GPN2: variants seen among roughly 807,000 people sequenced by gnomAD.
The protein encoded by GPN2 is GPN-loop GTPase 2, also known as ATP-binding domain 1 family member B.
In GPN2, 27 loss-of-function variants were observed where a neutral mutation model predicts 30.1. The observed-to-expected ratio is 0.90, with a 90% CI of 0.66 to 1.24. GPN2 has a LOEUF of 1.24. GPN2 is among the 50% of genes most tolerant of loss of function. The probability of loss-of-function intolerance (pLI) is 0.00; values close to 1 mark genes in which losing one functional copy is unlikely to be tolerated. For synonymous variants in GPN2, 212 were observed against 174.4 expected (o/e 1.22, Z -1.70); for missense variants, 406 against 405.4 (o/e 1.00, Z -0.01).
intron 2 of GPN2, among the ~76,000 whole-genome samples, chr1:26,887,745 T>C (rs1430252901): frequency 6.6e-6 from 1 of 151,840 alleles, no homozygotes; most frequent in Non-Finnish European, 1.5e-5. Flanking sequence ...GTATTTTTAG[T>C]AGAGACGGAG....
chr1:26,888,050 T>C (rs2081900395), intron 2 of GPN2, among the ~76,000 whole-genome samples: 1 of 151,126 alleles, frequency 6.6e-6, no homozygotes, highest in Non-Finnish European at 1.5e-5. Flanking sequence ...AGTAGAGATG[T>C]GGTTTCTCCA....
chr1:26,887,083 T>C (rs1333824896), intron 2 of GPN2, among the ~76,000 whole-genome samples: 3 of 151,014 alleles, frequency 2.0e-5, no homozygotes, highest in South Asian at 4.2e-4. Context: ...ACAGAGCTCA[T>C]AGTCAGGTCA....
At chr1:26,887,728 A>AT (rs1209887042) in intron 2 of GPN2, among the ~76,000 whole-genome samples, 1 of 144,310 alleles carries the variant, frequency 6.9e-6, no homozygotes, top group African/African-American at 2.6e-5. Flanking sequence ...TGCCCAGCTA[A>AT]TTTTTTGTAT....
intron 4 of GPN2, among the ~76,000 whole-genome samples, chr1:26,883,504 C>A (rs1026314045): frequency 1.3e-5 from 2 of 151,466 alleles, no homozygotes; most frequent in Admixed American, 1.3e-4. Context: ...CAGTCATCCA[C>A]GGCCGGGCGC....
In GPN2 at chr1:26,877,539, T is replaced by C. The variant is rs575295282; in HGVS notation, c.*2138A>G. The C allele has an allele frequency of 3.9e-5, 6 of 152,344 alleles. No homozygotes were observed. The East Asian group carries it at 9.6e-4, about 24-fold the overall frequency. The allele number at this position is 152,344 out of a possible 1,614,324, so 9.4% of individuals were successfully genotyped here. A position where few individuals can be genotyped will look rare whatever the true frequency, so the allele number is the denominator to read the frequency against. ...GGCTGTGACTTCTCACCAATAAATA[T>C]ACCAAAGGAGGGATACTCGCAATTT... On this transcript the variant is annotated 3_prime_UTR_variant, in exon 5 of 5. Transcript: ENST00000374135.
rs765343852 is a variant in GPN2 at position 26,889,738 on chromosome 1, T to C, written c.359A>G (p.His120Arg). Reference protein sequence around the residue: ...DCPGQVELCTHHGALRSIFSQ... With the variant: ...DCPGQVELCTRHGALRSIFSQ... ...GAAGATGCTGCGCAAGGCGCCGTGATGCGTGCAGAGCTCCACCTGGCCTGG... is the reference window on the plus strand; with the variant it reads ...GAAGATGCTGCGCAAGGCGCCGTGACGCGTGCAGAGCTCCACCTGGCCTGG... The change falls in exon 1 of 5, where the codon CAT (histidine) becomes CGT (arginine). Residue 120 changes from histidine to arginine, a missense_variant. By Grantham distance (29) the His-to-Arg change is conservative (BLOSUM62 0). Transcript: ENST00000374135. The C allele has an allele frequency of 2.0e-5, 32 of 1,609,866 alleles. No homozygotes were observed. The highest frequency in any genetic ancestry group is 2.6e-5 in the Non-Finnish European group (31 of 1,177,674).
chr1:26,885,567 CAA>C (rs908731757), intron 3 of GPN2, among the ~76,000 whole-genome samples: 1 of 149,542 alleles, frequency 6.7e-6, no homozygotes, highest in Non-Finnish European at 1.5e-5. Context: ...CAACCCAGGG[CAA>C]AGACCACTCT....
intron 2 of GPN2, chr1:26,886,394 T>C (rs764096869): frequency 2.3e-5 from 12 of 530,090 alleles, no homozygotes; most frequent in Non-Finnish European, 2.5e-5. Context: ...AGAGAAGTGC[T>C]TGATCAATAA....
chr1:26,877,168 T>G lies in GPN2; in HGVS notation c.*2509A>C, dbSNP rs1462845550. The G allele has an allele frequency of 6.6e-6, 1 of 152,248 alleles. No individual in the cohort carries two copies. The highest frequency in any genetic ancestry group is 1.5e-5 in the Non-Finnish European group (1 of 68,082). The allele number at this position is 152,248 out of a possible 1,614,324, so 9.4% of individuals were successfully genotyped here. A position where few individuals can be genotyped will look rare whatever the true frequency, so the allele number is the denominator to read the frequency against. ...CTATTGGTACTTCCTACCTACTCTG[T>G]GGGGTGTTAATAGGGGTGAGGTGCT... On this transcript the variant is annotated 3_prime_UTR_variant, in exon 5 of 5. Coordinates refer to ENST00000374135, the MANE Select transcript of GPN2 (RefSeq NM_018066.4).
Position 26,890,013 on chromosome 1 carries a change from G to T in GPN2, c.84C>A (p.Gly28=). 1 of 1,599,438 alleles carries T rather than the reference G, an allele frequency of 6.3e-7. No homozygotes were observed. The highest frequency in any genetic ancestry group is 8.5e-7 in the Non-Finnish European group (1 of 1,179,098). The change falls in exon 1 of 5, where the codon GGC becomes GGA. Residue 28 remains glycine (G), a synonymous_variant. Transcript: ENST00000374135. ...CCAGCGCGCGCAGGAACTCACTCAT[G>T]CCCAGGCAGTACGTGGTCTTCCCTG... ...PGSGKTTYCL[G]MSEFLRALGR... is the part of the protein sequence containing the mutation.
chr1:26,879,825 T>C, intron 4 of GPN2, 76 bp from the exon 5 acceptor site: 1 of 906,942 alleles, frequency 1.1e-6, no homozygotes. Context: ...TGACTTCCGC[T>C]GATGCCTACA....
chr1:26,888,629 T>C (rs1388546806), intron 2 of GPN2, among the ~76,000 whole-genome samples: 1 of 152,210 alleles, frequency 6.6e-6, no homozygotes, highest in Non-Finnish European at 1.5e-5. Flanking sequence ...AGAGATGAAC[T>C]GACTTACCCA....
At position 26,889,026 on chromosome 1, in the gene GPN2, G is replaced by T. The variant is rs1170657796; in HGVS notation, c.511C>A (p.Leu171Met). 1 of 1,614,068 alleles carries T rather than the reference G, an allele frequency of 6.2e-7. No homozygotes were observed. The change falls in exon 2 of 5, where the codon CTG becomes ATG. Residue 171 changes from leucine to methionine, a missense_variant. Transcript: ENST00000374135. ...TSLATMLHVE[L>M]PHINLLSKMD... The stretch of plus-strand genomic sequence containing the variant: ...TTGGAAAGGAGGTTGATGTGGGGCA[G>T]TTCCACGTGCAGCATGGTGGCCAGG...
At chr1:26,888,886 G>A in intron 2 of GPN2, 83 bp downstream of exon 2, 1 of 1,404,858 alleles carries the variant, frequency 7.1e-7, no homozygotes, top group South Asian at 1.2e-5. Context: ...CAAGGCACCA[G>A]AGGCAGCTAC....
chr1:26,888,852 T>C (rs2081904848), intron 2 of GPN2, 117 bp downstream of exon 2: 24 of 939,652 alleles, frequency 2.6e-5, no homozygotes, highest in Non-Finnish European at 2.4e-5. Flanking sequence ...AGAACCTGCC[T>C]GTGGCTACTA....
Position 26,879,599 on chromosome 1 carries a change from G to A in GPN2, c.*78C>T. 2 of 1,089,456 alleles carry A rather than the reference G, an allele frequency of 1.8e-6. No homozygotes were observed. The highest frequency in any genetic ancestry group is 2.6e-5 in the South Asian group (2 of 76,296). 67.5% of individuals were successfully genotyped at this position (1,089,456 alleles called of 1,614,324 possible). On this transcript the variant is annotated 3_prime_UTR_variant, in exon 5 of 5. Coordinates refer to ENST00000374135, the MANE Select transcript of GPN2 (RefSeq NM_018066.4). ...TCTGGCTGGGAGGACTTGCTCTTGG[G>A]TCTGCAGCCTGCATCAGGAGCCTCC...
intron 2 of GPN2, among the ~76,000 whole-genome samples, chr1:26,887,747 G>A (rs2081898380): frequency 6.6e-6 from 1 of 151,814 alleles, no homozygotes; most frequent in South Asian, 2.1e-4. Context: ...ATTTTTAGTA[G>A]AGACGGAGTT....
rs551688694 is a variant in GPN2 at position 26,889,996 on chromosome 1, C to A, written c.101G>T (p.Arg34Leu). Residue 34 changes from arginine to leucine, a missense_variant, in exon 1 of 5, where the codon CGC becomes CTC. By Grantham distance (102) the Arg-to-Leu change is moderately radical (BLOSUM62 -2). Coordinates refer to ENST00000374135, the MANE Select transcript of GPN2 (RefSeq NM_018066.4). The stretch of plus-strand genomic sequence containing the variant: ...CACCGCCACGCGCCGGCCCAGCGCG[C>A]GCAGGAACTCACTCATGCCCAGGCA... ...TYCLGMSEFL[R>L]ALGRRVAVVN... 3.7e-6 allele frequency: 6 copies of A among 1,601,170 alleles called. No homozygotes were observed. The South Asian group carries it at 6.6e-5, about 18-fold the overall frequency.
chr1:26,884,370 C>A, intron 3 of GPN2, 80 bp from the exon 4 acceptor site: 2 of 1,421,706 alleles, frequency 1.4e-6, no homozygotes, highest in Non-Finnish European at 9.5e-7. Flanking sequence ...ATACACCTTC[C>A]TCCATCTTGC....
Sources: allele counts gnomAD v4.1 joint callset (sites outside exome capture counted in the v4.1 genomes callset), GRCh38; gene constraint gnomAD v4.1.1; transcripts MANE v1.5; gene names NCBI Gene and HGNC (gene_info 2026-07-23, HGNC 2026-07-21).